Variants in SSBP2 observed in about 807,000 individuals in gnomAD.
SSBP2 encodes the protein single-stranded DNA-binding protein 2.
Under a neutral mutation model 61.8 loss-of-function variants are expected in SSBP2, and 17 were observed. That is an observed-to-expected ratio of 0.28 (90% CI 0.19 to 0.41). The LOEUF is 0.41. Ranked by LOEUF, SSBP2 falls within the 10% of genes least tolerant of loss-of-function variation. The pLI is 1.00. For synonymous variants in SSBP2, 139 were observed against 141.3 expected, an observed-to-expected ratio of 0.98 and a Z score of 0.12; for missense variants, 310 against 458.7, an observed-to-expected ratio of 0.68 and a Z score of 2.96.
At chr5:81,728,909 A>G (rs1345749706) in intron 1 of SSBP2, among the ~76,000 whole-genome samples, 1 of 150,516 alleles carries the variant, frequency 6.6e-6, no homozygotes, top group Non-Finnish European at 1.5e-5. Flanking sequence ...GATGTTTAAT[A>G]GAGAATGAAG....
At chr5:81,485,168 A>G (rs931103555) in intron 6 of SSBP2, among the ~76,000 whole-genome samples, 3 of 152,158 alleles carry the variant, frequency 2.0e-5, no homozygotes, top group African/African-American at 7.2e-5. Flanking sequence ...ATCCCTTCTG[A>G]GAGTTGAACC....
chr5:81,660,357 A>G (rs1750583529), intron 1 of SSBP2, among the ~76,000 whole-genome samples: 1 of 152,234 alleles, frequency 6.6e-6, no homozygotes, highest in Non-Finnish European at 1.5e-5. Flanking sequence ...TGGGCAAAGT[A>G]TATGAACAGA....
At chr5:81,731,097 T>G (rs1004939058) in intron 1 of SSBP2, among the ~76,000 whole-genome samples, 1 of 152,180 alleles carries the variant, frequency 6.6e-6, no homozygotes, top group Non-Finnish European at 1.5e-5. Flanking sequence ...CCAATGTAGA[T>G]TCTATAAATA....
intron 1 of SSBP2, among the ~76,000 whole-genome samples, chr5:81,731,289 C>T (rs1756247160): frequency 6.6e-6 from 1 of 152,084 alleles, no homozygotes; most frequent in Non-Finnish European, 1.5e-5. Context: ...TACATCGGCC[C>T]TTTATCTTTT....
chr5:81,722,814 T>C (rs1472286883), intron 1 of SSBP2, among the ~76,000 whole-genome samples: 1 of 151,922 alleles, frequency 6.6e-6, no homozygotes, highest in Non-Finnish European at 1.5e-5. Flanking sequence ...AAATCCAACA[T>C]CAGAGAATGG....
At chr5:81,671,163 C>T (rs1216306303) in intron 1 of SSBP2, among the ~76,000 whole-genome samples, 1 of 152,076 alleles carries the variant, frequency 6.6e-6, no homozygotes, top group Non-Finnish European at 1.5e-5. Context: ...TCATGAAAAA[C>T]CCAGGATAAT....
chr5:81,734,700 G>A (rs184012787), intron 1 of SSBP2, among the ~76,000 whole-genome samples: 4 of 152,196 alleles, frequency 2.6e-5, no homozygotes, highest in Admixed American at 6.5e-5. Flanking sequence ...GGCCGGGCGC[G>A]GTGGCTCACG....
chr5:81,482,266 C>G (rs1376411108), intron 6 of SSBP2, among the ~76,000 whole-genome samples: 1 of 151,952 alleles, frequency 6.6e-6, no homozygotes, highest in Non-Finnish European at 1.5e-5. Flanking sequence ...TTTAAGGGAC[C>G]AAGGATTTTT....
intron 3 of SSBP2, among the ~76,000 whole-genome samples, chr5:81,631,213 G>T (rs1264455756): frequency 6.6e-6 from 1 of 152,162 alleles, no homozygotes; most frequent in Non-Finnish European, 1.5e-5. Context: ...TGAACCAAAA[G>T]ACCGCACCTG....
chr5:81,640,404 T>C (rs2153685732), intron 2 of SSBP2, among the ~76,000 whole-genome samples: 1 of 152,080 alleles, frequency 6.6e-6, no homozygotes, highest in East Asian at 1.9e-4. Context: ...AAGGAAAAAT[T>C]CCAGGGATTA....
At chr5:81,707,136 A>G (rs1276917081) in intron 1 of SSBP2, among the ~76,000 whole-genome samples, 1 of 152,188 alleles carries the variant, frequency 6.6e-6, no homozygotes, top group African/African-American at 2.4e-5. Flanking sequence ...GTAACAGAGC[A>G]GTGAGGATCA....
chr5:81,534,305 TA>T (rs1275042629), intron 4 of SSBP2, among the ~76,000 whole-genome samples: 3 of 152,064 alleles, frequency 2.0e-5, no homozygotes, highest in Non-Finnish European at 2.9e-5. Flanking sequence ...CATGTCCAGC[TA>T]TCAAGAAAGA....
chr5:81,474,618 T>A (rs1580776827), intron 6 of SSBP2, 56 bp from the exon 7 acceptor site: 2 of 1,317,908 alleles, frequency 1.5e-6, no homozygotes, highest in East Asian at 5.2e-5. Flanking sequence ...ATAAAATAAG[T>A]TTTTTAACAA....
intron 12 of SSBP2, chr5:81,443,411 T>G (rs1312757331): frequency 6.6e-6 from 1 of 152,204 alleles, no homozygotes; most frequent in Non-Finnish European, 1.5e-5. Flanking sequence ...TAGCTAATTC[T>G]AATTAAGTCT....
At chr5:81,515,561 T>G (rs1369844703) in intron 4 of SSBP2, among the ~76,000 whole-genome samples, 1 of 150,074 alleles carries the variant, frequency 6.7e-6, no homozygotes, top group Non-Finnish European at 1.5e-5. Flanking sequence ...AAAATATGTT[T>G]TTTTCTCTAT....
intron 4 of SSBP2, among the ~76,000 whole-genome samples, chr5:81,574,446 T>C (rs2153454481): frequency 6.6e-6 from 1 of 152,054 alleles, no homozygotes; most frequent in African/African-American, 2.4e-5. Context: ...TAAAAATATC[T>C]AGGATACAAG....
rs536299075 is a variant in SSBP2, at chr5:81,419,162, T to A, written c.*1342A>T. The A allele has an allele frequency of 6.6e-6, 1 of 152,214 alleles. No individual in the cohort carries two copies. Among genetic ancestry groups the A allele is most frequent in the African/African-American group, 2.4e-5 (1 of 41,454 alleles). 9.4% of individuals were successfully genotyped at this position (152,214 alleles called of 1,614,324 possible). Reference sequence around the variant, plus strand: ...CATAAGGGAATTAGATTAAAAAAAATTTACTTATTCTTTTTTGAACAGTCA... The same window carrying A: ...CATAAGGGAATTAGATTAAAAAAAAATTACTTATTCTTTTTTGAACAGTCA... On this transcript the variant is annotated 3_prime_UTR_variant, in exon 17 of 17. Transcript: ENST00000320672.
intron 10 of SSBP2, among the ~76,000 whole-genome samples, chr5:81,451,345 T>G (rs1763756142): frequency 6.7e-6 from 1 of 150,230 alleles, no homozygotes; most frequent in Non-Finnish European, 1.5e-5. Flanking sequence ...AAAAAAAAAC[T>G]TTGTTTATTT....
At chr5:81,458,450 T>C (rs1022953711) in intron 10 of SSBP2, among the ~76,000 whole-genome samples, 1 of 152,208 alleles carries the variant, frequency 6.6e-6, no homozygotes, top group Non-Finnish European at 1.5e-5. Context: ...AAAGCAAATG[T>C]GGTAAGACAT....
Sources: allele counts gnomAD v4.1 joint callset (sites outside exome capture counted in the v4.1 genomes callset), GRCh38; gene constraint gnomAD v4.1.1; transcripts MANE v1.5; gene names NCBI Gene and HGNC (gene_info 2026-07-23, HGNC 2026-07-21).